Variants in CCSER1 observed in about 807,000 individuals in gnomAD.
CCSER1 encodes the protein coiled-coil serine rich protein 1.
In CCSER1, 41 loss-of-function variants were observed where a neutral mutation model predicts 82.0. The ratio of observed to expected loss-of-function variants is 0.50; its 90% CI spans 0.39 to 0.65. The LOEUF (loss-of-function observed/expected upper bound fraction) is 0.65, where lower values mean the gene tolerates loss of function less well. CCSER1 is among the 30% of genes least tolerant of loss of function. The probability of loss-of-function intolerance (pLI) is 0.00; values close to 1 mark genes in which losing one functional copy is unlikely to be tolerated. For synonymous variants in CCSER1, 414 were observed against 383.9 expected (o/e 1.08, Z -0.92); for missense variants, 1,119 against 1,064.2 (o/e 1.05, Z -0.72).
chr4:91,354,020 G>C (rs1228199594), intron 10 of CCSER1, among the ~76,000 whole-genome samples: 1 of 152,198 alleles, frequency 6.6e-6, no homozygotes, highest in Non-Finnish European at 1.5e-5. Context: ...TCCTTCAGCT[G>C]TTAGCAAGTA....
At chr4:91,572,832 G>A (rs1763254581) in intron 10 of CCSER1, among the ~76,000 whole-genome samples, 1 of 151,048 alleles carries the variant, frequency 6.6e-6, no homozygotes, top group South Asian at 2.1e-4. Context: ...AAAAGAAGAA[G>A]CCTGTCCATT....
At chr4:91,275,535 C>T (rs570159533) in intron 10 of CCSER1, among the ~76,000 whole-genome samples, 5 of 151,962 alleles carry the variant, frequency 3.3e-5, no homozygotes, top group South Asian at 2.1e-4. Context: ...TTTTCTTTTC[C>T]GTTAAATTGT....
chr4:91,010,973 T>C (rs535513760), intron 9 of CCSER1, among the ~76,000 whole-genome samples: 1 of 134,822 alleles, frequency 7.4e-6, no homozygotes, highest in South Asian at 2.4e-4. Context: ...GGGTGTCATA[T>C]TTTCTTTGTT....
intron 10 of CCSER1, among the ~76,000 whole-genome samples, chr4:91,381,007 G>A (rs1473733198): frequency 2.0e-5 from 3 of 152,092 alleles, no homozygotes; most frequent in Non-Finnish European, 2.9e-5. Flanking sequence ...CACTGATGAA[G>A]CTTATTTTGG....
At chr4:90,695,723 A>G (rs1736875339) in intron 6 of CCSER1, among the ~76,000 whole-genome samples, 1 of 152,078 alleles carries the variant, frequency 6.6e-6, no homozygotes, top group Non-Finnish European at 1.5e-5. Context: ...AGCACATTTT[A>G]TTTCATTTAC....
chr4:91,411,378 G>T (rs1207329376), intron 10 of CCSER1, among the ~76,000 whole-genome samples: 2 of 149,948 alleles, frequency 1.3e-5, no homozygotes, highest in African/African-American at 2.5e-5. Context: ...TTCCTCTGTT[G>T]CTCAGTATTT....
intron 1 of CCSER1, among the ~76,000 whole-genome samples, chr4:90,244,054 ATATTTTGAG>A (rs1440470561): frequency 1.3e-5 from 2 of 152,208 alleles, no homozygotes; most frequent in African/African-American, 2.4e-5. Context: ...ATACCAATGA[ATATTTTGAG>A]TATTTTGAGG....
chr4:90,827,481 A>C (rs911754723), intron 8 of CCSER1, among the ~76,000 whole-genome samples: 1 of 152,130 alleles, frequency 6.6e-6, no homozygotes, highest in Non-Finnish European at 1.5e-5. Flanking sequence ...ATAACAAAAC[A>C]GAAAAATTTA....
intron 10 of CCSER1, among the ~76,000 whole-genome samples, chr4:91,329,530 T>C (rs1700983559): frequency 6.6e-6 from 1 of 152,206 alleles, no homozygotes; most frequent in South Asian, 2.1e-4. Flanking sequence ...TTAAACAGCA[T>C]GTATTTGTCA....
At chr4:90,236,424 G>T (rs964935297) in intron 1 of CCSER1, among the ~76,000 whole-genome samples, 1 of 151,858 alleles carries the variant, frequency 6.6e-6, no homozygotes, top group Non-Finnish European at 1.5e-5. Context: ...AGGGGGTGGG[G>T]GTAAAAGAAA....
At chr4:90,798,548 C>A (rs936369998) in intron 7 of CCSER1, among the ~76,000 whole-genome samples, 1 of 151,446 alleles carries the variant, frequency 6.6e-6, no homozygotes, top group Non-Finnish European at 1.5e-5. Context: ...GAAAAAAAGG[C>A]CTTCTGGCTT....
chr4:90,728,228 T>C (rs891942737), intron 7 of CCSER1, among the ~76,000 whole-genome samples: 2 of 152,174 alleles, frequency 1.3e-5, no homozygotes, highest in Non-Finnish European at 2.9e-5. Context: ...TTTGGTTCTT[T>C]CCTAGGTCTC....
Position 90,984,754 on chromosome 4 carries a change from A to G in CCSER1, c.2172+61307A>G, listed in dbSNP as rs141641162. Among the ~76,000 whole-genome samples, 53 of 151,852 alleles carry G rather than the reference A, an allele frequency of 3.5e-4. 2 individuals carry two copies. The East Asian group carries it at 9.7e-3, about 28-fold the overall frequency. ...AATGCAAAAGTAAAATAAAACTATTATATCCATTGCATCTCTTTTAAAGAT... is the reference window on the plus strand; with the variant it reads ...AATGCAAAAGTAAAATAAAACTATTGTATCCATTGCATCTCTTTTAAAGAT... On this transcript the variant is annotated intron_variant, in intron 9 of 10. Transcript: ENST00000509176.
intron 10 of CCSER1, among the ~76,000 whole-genome samples, chr4:91,244,738 ACAAGTATCAGCATCATC>A (rs1163626732): frequency 6.6e-6 from 1 of 152,194 alleles, no homozygotes; most frequent in Non-Finnish European, 1.5e-5. Context: ...ATGAACATCT[ACAAGTATCAGCATCATC>A]CAGGAAAATA....
At chr4:90,366,875 A>G (rs1389532733) in intron 3 of CCSER1, among the ~76,000 whole-genome samples, 3 of 151,920 alleles carry the variant, frequency 2.0e-5, no homozygotes, top group African/African-American at 7.2e-5. Context: ...AAGAGAGATC[A>G]TAGAATTCCC....
chr4:90,849,499 G>C (rs1381688733), intron 8 of CCSER1, among the ~76,000 whole-genome samples: 1 of 152,032 alleles, frequency 6.6e-6, no homozygotes, highest in Non-Finnish European at 1.5e-5. Flanking sequence ...CAATAGAAAA[G>C]AAAAACCCGG....
chr4:90,613,577 T>C (rs891289644), intron 5 of CCSER1, among the ~76,000 whole-genome samples: 1 of 152,164 alleles, frequency 6.6e-6, no homozygotes, highest in Non-Finnish European at 1.5e-5. Context: ...GGATTTAGAA[T>C]GGTGAATTCT....
At chr4:90,369,211 AGAAG>A (rs1382276834) in intron 3 of CCSER1, among the ~76,000 whole-genome samples, 2 of 131,266 alleles carry the variant, frequency 1.5e-5, no homozygotes, top group Non-Finnish European at 3.3e-5. Context: ...GGAAGAAAGA[AGAAG>A]AAAGAAAGGG....
At chr4:90,413,874 G>A (rs1267445599) in intron 4 of CCSER1, among the ~76,000 whole-genome samples, 4 of 142,404 alleles carry the variant, frequency 2.8e-5, no homozygotes, top group Middle Eastern at 3.5e-3. Context: ...GCGTGAACCC[G>A]GGAGGTGGAG....
Sources: gnomAD v4.1 joint callset for allele counts (sites outside exome capture counted in the v4.1 genomes callset) on GRCh38, gnomAD v4.1.1 for gene constraint, MANE v1.5 for transcripts, NCBI Gene and HGNC (gene_info 2026-07-23, HGNC 2026-07-21) for gene names.